The following PPP2R2B variants were observed in gnomAD, a reference collection of about 807,000 sequenced individuals.
PPP2R2B encodes the protein protein phosphatase 2 regulatory subunit Bbeta.
In PPP2R2B, 5 loss-of-function variants were observed where a neutral mutation model predicts 46.0. The observed-to-expected ratio is 0.11, with a 90% CI of 0.06 to 0.23. The LOEUF (loss-of-function observed/expected upper bound fraction) is 0.23. Among genes scored for constraint, PPP2R2B ranks in the 10% least tolerant of loss-of-function variants. The pLI is 1.00. For missense variants in PPP2R2B, 367 were observed against 575.0 expected, an observed-to-expected ratio of 0.64 and a Z score of 3.70; for synonymous variants, 215 against 206.7, an observed-to-expected ratio of 1.04 and a Z score of -0.34.
chr5:146,638,217 C>A, intron 7 of PPP2R2B, 34 bp downstream of exon 7: 1 of 1,598,394 alleles, frequency 6.3e-7, no homozygotes. Context: ...GGGCCAGTGG[C>A]CATGCCCCCC....
chr5:147,048,491 G>A (rs1003113863), intron 1 of PPP2R2B, among the ~76,000 whole-genome samples: 12 of 152,146 alleles, frequency 7.9e-5, no homozygotes, highest in Non-Finnish European at 1.5e-5. Flanking sequence ...TACAATAAAT[G>A]CTAGCTTTGT....
intron 2 of PPP2R2B, among the ~76,000 whole-genome samples, chr5:146,712,630 G>T (rs1198175842): frequency 6.6e-6 from 1 of 152,184 alleles, no homozygotes; most frequent in Non-Finnish European, 1.5e-5. Context: ...GGGTGATCTG[G>T]TTGCAACATC....
intron 1 of PPP2R2B, among the ~76,000 whole-genome samples, chr5:146,886,396 T>A (rs2926167): frequency 0.42 from 63,849 of 150,654 alleles, 14,092 homozygotes; most frequent in East Asian, 0.7. Context: ...ATAAAATAAA[T>A]TTGGAGCAAT....
At chr5:146,923,492 G>T (rs967485991) in intron 1 of PPP2R2B, among the ~76,000 whole-genome samples, 1 of 152,206 alleles carries the variant, frequency 6.6e-6, no homozygotes, top group East Asian at 1.9e-4. Flanking sequence ...TGCACAGTTA[G>T]ACCATTGCAC....
intron 7 of PPP2R2B, among the ~76,000 whole-genome samples, chr5:146,607,429 C>A (rs140392507): frequency 3.3e-5 from 5 of 152,284 alleles, no homozygotes; most frequent in African/African-American, 1.2e-4. Context: ...GTTGCTTAAC[C>A]CTTGCAGTTT....
intron 2 of PPP2R2B, among the ~76,000 whole-genome samples, chr5:146,814,026 G>C (rs1325509502): frequency 6.6e-6 from 1 of 152,180 alleles, no homozygotes; most frequent in African/African-American, 2.4e-5. Flanking sequence ...CAGTAAGGCA[G>C]TGGATTGTGG....
intron 1 of PPP2R2B, among the ~76,000 whole-genome samples, chr5:146,920,933 G>C (rs143780484): frequency 6.6e-6 from 1 of 152,184 alleles, no homozygotes; most frequent in Non-Finnish European, 1.5e-5. Context: ...TCTTTGGAGA[G>C]AATTAAAATG....
At chr5:147,048,113 G>A (rs2151900806) in intron 1 of PPP2R2B, among the ~76,000 whole-genome samples, 1 of 152,256 alleles carries the variant, frequency 6.6e-6, no homozygotes, top group South Asian at 2.1e-4. Flanking sequence ...CATAGCCAGG[G>A]TTAAAACCTA....
chr5:146,815,304 AC>A (rs982549462), intron 2 of PPP2R2B, among the ~76,000 whole-genome samples: 2 of 152,086 alleles, frequency 1.3e-5, no homozygotes, highest in African/African-American at 4.8e-5. Context: ...TAATTACAAA[AC>A]CCGGATTTCC....
At chr5:146,978,257 A>G (rs1249778423) in intron 1 of PPP2R2B, among the ~76,000 whole-genome samples, 1 of 152,002 alleles carries the variant, frequency 6.6e-6, no homozygotes, top group Non-Finnish European at 1.5e-5. Context: ...TTCCTTATAG[A>G]TTCTGGATAT....
At chr5:147,004,751 G>T (rs1291305244) in intron 1 of PPP2R2B, among the ~76,000 whole-genome samples, 1 of 152,122 alleles carries the variant, frequency 6.6e-6, no homozygotes, top group East Asian at 1.9e-4. Flanking sequence ...TCAAGCTCCA[G>T]CCTTAAGCCT....
chr5:147,069,275 A>G (rs990815394), intron 2 of PPP2R2B, among the ~76,000 whole-genome samples: 2 of 152,222 alleles, frequency 1.3e-5, no homozygotes, highest in African/African-American at 4.8e-5. Context: ...AAGCGAAAAC[A>G]AAACAAAAAG....
At chr5:146,993,389 G>T (rs1753788555) in intron 1 of PPP2R2B, among the ~76,000 whole-genome samples, 1 of 151,592 alleles carries the variant, frequency 6.6e-6, no homozygotes, top group African/African-American at 2.4e-5. Context: ...ACTACAGGCT[G>T]CTCTACCACA....
chr5:146,938,751 C>CTTTTTTT (rs33961672), intron 1 of PPP2R2B, among the ~76,000 whole-genome samples: 1 of 65,974 alleles, frequency 1.5e-5, no homozygotes, highest in Non-Finnish European at 2.7e-5. Context: ...AGATAATAGC[C>CTTTTTTT]TTTTTTTTTT....
At chr5:147,000,590 A>T (rs1464350024) in intron 1 of PPP2R2B, among the ~76,000 whole-genome samples, 1 of 136,432 alleles carries the variant, frequency 7.3e-6, no homozygotes, top group Non-Finnish European at 1.6e-5. Flanking sequence ...TTCACAATAG[A>T]GTTCATGCTC....
intron 2 of PPP2R2B, among the ~76,000 whole-genome samples, chr5:146,877,452 T>C (rs1761960215): frequency 6.6e-6 from 1 of 152,182 alleles, no homozygotes; most frequent in African/African-American, 2.4e-5. Context: ...AGCCACCTTT[T>C]TATTTTTGCT....
chr5:146,888,160 C>T (rs1762387999), intron 1 of PPP2R2B, among the ~76,000 whole-genome samples: 1 of 152,066 alleles, frequency 6.6e-6, no homozygotes, highest in African/African-American at 2.4e-5. Flanking sequence ...TCAAAGTCCA[C>T]AGTCCCACAG....
intron 7 of PPP2R2B, among the ~76,000 whole-genome samples, chr5:146,634,184 G>C (rs1004144035): frequency 6.6e-6 from 1 of 152,124 alleles, no homozygotes; most frequent in Non-Finnish European, 1.5e-5. Context: ...TCAGTTGAAG[G>C]CCTGAAGAGA....
At chr5:146,809,835 G>A (rs542152623) in intron 2 of PPP2R2B, among the ~76,000 whole-genome samples, 61 of 152,326 alleles carry the variant, frequency 4.0e-4, no homozygotes, top group Non-Finnish European at 6.8e-4. Flanking sequence ...GAGAGTGGAA[G>A]CAGGGAGACC....
Sources: allele counts gnomAD v4.1 joint callset (sites outside exome capture counted in the v4.1 genomes callset), GRCh38; gene constraint gnomAD v4.1.1; transcripts MANE v1.5; gene names NCBI Gene and HGNC (gene_info 2026-07-23, HGNC 2026-07-21).